KDM2A: variants seen among roughly 807,000 people sequenced by gnomAD.
KDM2A encodes lysine-specific demethylase 2A.
Under a neutral mutation model 137.3 loss-of-function variants are expected in KDM2A, and 3 were observed. That is an observed-to-expected ratio of 0.02 (90% CI 0.01 to 0.06). The LOEUF (loss-of-function observed/expected upper bound fraction) is 0.06. KDM2A is among the 10% of genes least tolerant of loss of function. KDM2A has a pLI of 1.00. For synonymous variants in KDM2A, 512 were observed against 541.5 expected, an observed-to-expected ratio of 0.95 and a Z score of 0.76; for missense variants, 738 against 1,510.6, an observed-to-expected ratio of 0.49 and a Z score of 8.48.
intron 11 of KDM2A, among the ~76,000 whole-genome samples, chr11:67,229,795 G>T (rs536015407): frequency 6.6e-6 from 1 of 151,564 alleles, no homozygotes; most frequent in Non-Finnish European, 1.5e-5. Context: ...ACTTGAACCC[G>T]GGAGGTGGAG....
At position 67,245,654 on chromosome 11, in the gene KDM2A, T is replaced by A; in HGVS notation, c.1833+196T>A. On this transcript the variant is annotated intron_variant, in intron 14 of 20. Transcript: ENST00000529006. This position sits in a 1 kb window ranked among gnomAD's most constrained non-coding sequence, Gnocchi z 4.1. ...AGTACTAAAAATCCGATTTAATCTT[T>A]AGGCTTTACCTAATTTTCAAACAAG... The A allele has an allele frequency of 1.5e-6, 1 of 647,190 alleles. No individual in the cohort carries two copies. The highest frequency in any genetic ancestry group is 2.6e-6 in the Non-Finnish European group (1 of 383,854). The allele number at this position is 647,190 out of a possible 1,614,324, so 40.1% of individuals were successfully genotyped here. A position where few individuals can be genotyped will look rare whatever the true frequency, so the allele number is the denominator to read the frequency against.
chr11:67,134,500 T>C (rs1237565975), intron 2 of KDM2A, among the ~76,000 whole-genome samples: 1 of 152,104 alleles, frequency 6.6e-6, no homozygotes, highest in Non-Finnish European at 1.5e-5. Context: ...TTTTTTAAAG[T>C]TTTATTTATT....
chr11:67,218,152 T>G (rs12289324), intron 9 of KDM2A, among the ~76,000 whole-genome samples: 9,495 of 152,270 alleles, frequency 0.062, 998 homozygotes, highest in African/African-American at 0.22. Context: ...CCTAGTAATT[T>G]AGAATCTCTA....
rs1590794331 is a variant in KDM2A, at chr11:67,216,029, C to T, written c.687+80C>T. The T allele has an allele frequency of 5.0e-6, 5 of 998,878 alleles. No homozygotes were observed. The South Asian group carries it at 6.5e-5, about 13-fold the overall frequency. The allele number at this position is 998,878 out of a possible 1,614,324, so 61.9% of individuals were successfully genotyped here. Reference sequence around the variant, plus strand: ...CTTCAGTTCATGTATACTTAATATACCCTGGAAATGAATCTGTTAGGGAAT... The same window carrying T: ...CTTCAGTTCATGTATACTTAATATATCCTGGAAATGAATCTGTTAGGGAAT... On this transcript the variant is annotated intron_variant, in intron 8 of 20. Transcript: ENST00000529006.
rs754834409 is a variant in KDM2A, at chr11:67,215,967, A to G, written c.687+18A>G. On this transcript the variant is annotated intron_variant, in intron 8 of 20. Transcript: ENST00000529006. ...GGGGAAAGGTATGGTCATAGTTGTG[A>G]TAGGGGTTGGAATCTGAAGTTGGTT... 1.3e-6 allele frequency: 2 copies of G among 1,596,896 alleles called. No individual in the cohort carries two copies. Among genetic ancestry groups the G allele is most frequent in the Non-Finnish European group, 1.7e-6 (2 of 1,164,432 alleles).
In KDM2A at chr11:67,231,697, G is replaced by A; in HGVS notation, c.1216G>A (p.Gly406Arg). Residue 406 changes from glycine (G) to arginine (R), a missense_variant, in exon 12 of 21, where the codon GGA (glycine) becomes AGA (arginine). By Grantham distance (125) the Gly-to-Arg change is moderately radical. Around this residue, in one of 9 missense-constraint regions of KDM2A, gnomAD observed 113 missense variants for 133.5 expected, o/e 0.85. Coordinates refer to ENST00000529006, the MANE Select transcript of KDM2A (RefSeq NM_012308.3). The part of the protein sequence containing the change: ...VANGVNLDYD[G>R]LGKTCRSLPS... ...GAATGGAGTCAACCTGGATTATGAT[G>A]GACTGGGCAAAACCTGCCGAAGTCT... is the stretch of plus-strand genomic sequence containing the variant. 1 of 1,613,916 alleles carries A rather than the reference G, an allele frequency of 6.2e-7. No individual in the cohort carries two copies.
chr11:67,131,484 T>C (rs1855854634), intron 2 of KDM2A, among the ~76,000 whole-genome samples: 1 of 149,476 alleles, frequency 6.7e-6, no homozygotes, highest in African/African-American at 2.5e-5. Flanking sequence ...CGATATTGGC[T>C]CACTGAAACC....
At chr11:67,224,169 A>T (rs1327996324) in intron 10 of KDM2A, among the ~76,000 whole-genome samples, 1 of 152,244 alleles carries the variant, frequency 6.6e-6, no homozygotes, top group Non-Finnish European at 1.5e-5. Flanking sequence ...TCCGTGATTC[A>T]GGAACACTAC....
chr11:67,189,848 A>G (rs1347621630), intron 5 of KDM2A, among the ~76,000 whole-genome samples: 2 of 152,154 alleles, frequency 1.3e-5, no homozygotes, highest in Non-Finnish European at 1.5e-5. Context: ...CAAAAAACAA[A>G]CAAACACCAG....
At chr11:67,139,238 TTTTTCC>T (rs1407924765) in intron 2 of KDM2A, among the ~76,000 whole-genome samples, 54 of 151,858 alleles carry the variant, frequency 3.6e-4, no homozygotes, top group Non-Finnish European at 5.6e-4. Context: ...ACTTTTTTTT[TTTTTCC>T]TTTTTTCTTT....
At chr11:67,177,832 TG>T (rs1293216165) in intron 2 of KDM2A, among the ~76,000 whole-genome samples, 2 of 152,222 alleles carry the variant, frequency 1.3e-5, no homozygotes, top group African/African-American at 4.8e-5. Flanking sequence ...TTTACATGAC[TG>T]GCAGCACAGT....
intron 8 of KDM2A, among the ~76,000 whole-genome samples, chr11:67,217,069 C>G (rs1858186003): frequency 6.6e-6 from 1 of 150,532 alleles, no homozygotes; most frequent in Non-Finnish European, 1.5e-5. Context: ...TGGTGAAACC[C>G]CGTCTCTACT....
chr11:67,253,776 T>G (rs1307246545), intron 19 of KDM2A, among the ~76,000 whole-genome samples, 165 bp downstream of exon 19: 2 of 152,338 alleles, frequency 1.3e-5, no homozygotes, highest in East Asian at 3.9e-4. Flanking sequence ...ATAGGGTAAC[T>G]ATAAGCAGAT....
At chr11:67,152,430 C>A (rs560563814) in intron 2 of KDM2A, among the ~76,000 whole-genome samples, 1 of 151,522 alleles carries the variant, frequency 6.6e-6, no homozygotes, top group African/African-American at 2.4e-5. Flanking sequence ...GAGCAAGAGA[C>A]CTCATCTCTA....
At chr11:67,203,798 TTTTTTTC>T (rs1201755473) in intron 5 of KDM2A, among the ~76,000 whole-genome samples, 4 of 151,626 alleles carry the variant, frequency 2.6e-5, no homozygotes, top group Non-Finnish European at 4.4e-5. Flanking sequence ...TTCTTTTTTT[TTTTTTTC>T]TTTTTTCTTT....
At chr11:67,193,872 A>T (rs1046342984) in intron 5 of KDM2A, among the ~76,000 whole-genome samples, 4 of 152,136 alleles carry the variant, frequency 2.6e-5, no homozygotes, top group African/African-American at 9.7e-5. Flanking sequence ...ATACATACAT[A>T]CATACATACG....
chr11:67,207,619 A>G lies in KDM2A; in HGVS notation c.417A>G (p.Lys139=). 1 of 1,613,506 alleles carries G rather than the reference A, an allele frequency of 6.2e-7. No homozygotes were observed. The highest frequency in any genetic ancestry group is 8.5e-7 in the Non-Finnish European group (1 of 1,179,738). ...AGACCCCAGAGGAGGAGCGAGAGAA[A>G]CTCTATAATGTCATCAGCCTCGAGT... is the stretch of plus-strand genomic sequence containing the variant. ...YYETPEEERE[K]LYNVISLEFS... is the part of the protein sequence containing the mutation. Residue 139 remains lysine, a synonymous_variant, in exon 6 of 21, where the codon AAA becomes AAG. Transcript: ENST00000529006.
At chr11:67,147,557 A>G (rs1055148829) in intron 2 of KDM2A, among the ~76,000 whole-genome samples, 3 of 151,382 alleles carry the variant, frequency 2.0e-5, no homozygotes, top group Admixed American at 6.6e-5. Context: ...AAAAAAAAAG[A>G]TGCAACTTTC....
At chr11:67,181,986 A>G in intron 5 of KDM2A, 94 bp downstream of exon 5, 2 of 997,848 alleles carry the variant, frequency 2.0e-6, no homozygotes, top group Non-Finnish European at 3.1e-6. Flanking sequence ...GCCTAGGAAC[A>G]TTGAAGTATA....
Sources: allele counts gnomAD v4.1 joint callset (sites outside exome capture counted in the v4.1 genomes callset), GRCh38; gene constraint gnomAD v4.1.1; regional missense constraint gnomAD v4.1.1; non-coding constraint Gnocchi (gnomAD v3.1); transcripts MANE v1.5; gene names NCBI Gene and HGNC (gene_info 2026-07-23, HGNC 2026-07-21).